Variants in SFXN5 observed in about 807,000 individuals in gnomAD.
SFXN5 encodes sideroflexin 5.
A neutral mutation model predicts 50.2 loss-of-function variants in SFXN5; 43 were observed. The observed-to-expected ratio is 0.86, with a 90% CI of 0.67 to 1.11. The LOEUF is 1.11. SFXN5 is among the 50% of genes least tolerant of loss of function. SFXN5 has a pLI of 0.00. For missense variants in SFXN5, 463 were observed against 454.1 expected, an observed-to-expected ratio of 1.02 and a Z score of -0.18; for synonymous variants, 203 against 185.8, an observed-to-expected ratio of 1.09 and a Z score of -0.75.
chr2:73,027,471 T>C (rs1187176123), intron 3 of SFXN5, among the ~76,000 whole-genome samples: 2 of 152,164 alleles, frequency 1.3e-5, no homozygotes, highest in African/African-American at 4.8e-5. Flanking sequence ...TTAATTTATT[T>C]TGAAGAGAGA....
rs115870731 is a variant in SFXN5, at chr2:72,992,624, C to T, written c.535-4276G>A. Reference sequence around the variant, plus strand: ...CTGGGCAGGAGCCTCCTGGGGCCCACGTGTAACCATGGCTCCCTGGTGCAT... The same window carrying T: ...CTGGGCAGGAGCCTCCTGGGGCCCATGTGTAACCATGGCTCCCTGGTGCAT... On this transcript the variant is annotated intron_variant, in intron 9 of 13. Coordinates refer to ENST00000272433, the MANE Select transcript of SFXN5 (RefSeq NM_144579.3). The surrounding 1 kb of genome is among the most constrained non-coding windows in gnomAD (Gnocchi z 4.5). 8.8e-3 allele frequency among the ~76,000 whole-genome samples: 1,340 copies of T among 152,310 alleles called. 17 individuals are homozygous for T. The highest frequency in any genetic ancestry group is 0.03 in the African/African-American group (1,254 of 41,556).
At chr2:73,016,526 G>A (rs979036088) in intron 6 of SFXN5, among the ~76,000 whole-genome samples, 29 of 152,206 alleles carry the variant, frequency 1.9e-4, no homozygotes, top group Admixed American at 1.6e-3. Flanking sequence ...CCAACATGGC[G>A]AAACCCCATC....
intron 2 of SFXN5, among the ~76,000 whole-genome samples, chr2:73,042,977 A>G (rs66570372): frequency 0.15 from 22,723 of 152,164 alleles, 1,994 homozygotes; most frequent in East Asian, 0.36. Context: ...CTAAGACACG[A>G]GGGTCATTTG....
intron 2 of SFXN5, among the ~76,000 whole-genome samples, chr2:73,054,345 T>C (rs1407882764): frequency 6.6e-6 from 1 of 152,238 alleles, no homozygotes; most frequent in Non-Finnish European, 1.5e-5. Flanking sequence ...CAGTAAATAT[T>C]TAAGTTGCCT....
intron 2 of SFXN5, among the ~76,000 whole-genome samples, chr2:73,044,122 T>G (rs1679997948): frequency 1.3e-5 from 2 of 152,186 alleles, no homozygotes; most frequent in Admixed American, 6.6e-5. Context: ...CTCCAGGGAT[T>G]CTCCTGAGTT....
rs1374004609 is a variant in SFXN5, at chr2:73,045,569, G to T, written c.172-4638C>A. ...GGGGGTGAGGGGATGAACTGGCAGT[G>T]GGGCGTGCAGGATGGCAGGGAGGTT... On this transcript the variant is annotated intron_variant, in intron 2 of 13. Transcript: ENST00000272433. 2.6e-5 allele frequency among the ~76,000 whole-genome samples: 4 copies of T among 152,200 alleles called. No individual in the cohort carries two copies. The South Asian group carries it at 8.3e-4, about 32-fold the overall frequency.
chr2:73,035,931 T>G (rs749454246), intron 3 of SFXN5, among the ~76,000 whole-genome samples: 26 of 152,334 alleles, frequency 1.7e-4, no homozygotes, highest in Middle Eastern at 3.4e-3. Flanking sequence ...GGTGAGGTGT[T>G]GTACCTGGAG....
chr2:73,008,964 C>A (rs2105755617), intron 6 of SFXN5, among the ~76,000 whole-genome samples: 1 of 152,166 alleles, frequency 6.6e-6, no homozygotes, highest in Non-Finnish European at 1.5e-5. Context: ...GACTCCCGGG[C>A]AAAGTGGAAA....
intron 6 of SFXN5, among the ~76,000 whole-genome samples, chr2:73,018,124 C>T (rs1212348340): frequency 2.0e-5 from 3 of 152,032 alleles, no homozygotes; most frequent in Non-Finnish European, 4.4e-5. Context: ...AAGAGGATCA[C>T]TTGAGCCCAG....
intron 2 of SFXN5, among the ~76,000 whole-genome samples, chr2:73,051,519 G>C (rs1681324514): frequency 6.6e-6 from 1 of 152,144 alleles, no homozygotes; most frequent in Non-Finnish European, 1.5e-5. Context: ...GCCTCCCAAA[G>C]TGCTGGGATT....
intron 1 of SFXN5, among the ~76,000 whole-genome samples, chr2:73,065,676 C>A (rs2106065015): frequency 6.6e-6 from 1 of 152,326 alleles, no homozygotes; most frequent in East Asian, 1.9e-4. Context: ...GGATTACAGG[C>A]ATGAGTCACT....
rs1464654692 is a variant in SFXN5 at position 73,059,884 on chromosome 2, T to C, written c.103-1288A>G. ...GTTCAAAGATCTGGTCAGGTGTACA[T>C]ACCAAGGATATTCACTGCTGCATTC... On this transcript the variant is annotated intron_variant, in intron 1 of 13. Coordinates refer to ENST00000272433, the MANE Select transcript of SFXN5 (RefSeq NM_144579.3). The C allele has an allele frequency of 4.1e-5, 36 of 886,610 alleles. 2 individuals carry two copies. Among genetic ancestry groups the C allele is most frequent in the South Asian group, 5.4e-5 (1 of 18,374 alleles). 54.9% of individuals were successfully genotyped at this position (886,610 alleles called of 1,614,324 possible).
chr2:73,059,169 C>T, intron 1 of SFXN5: 4 of 985,258 alleles, frequency 4.1e-6, no homozygotes, highest in Non-Finnish European at 4.8e-6. Context: ...CCCAACCTTG[C>T]CCCAGAGCAG....
chr2:73,036,742 T>C lies in SFXN5; in HGVS notation c.249+4112A>G, dbSNP rs902834250. ...GAGGAAACACATGGTCAGGAGGCCA[T>C]AGAGGCAGGACCCAACTCTCACAGG... On this transcript the variant is annotated intron_variant, in intron 3 of 13. Coordinates refer to ENST00000272433, the MANE Select transcript of SFXN5 (RefSeq NM_144579.3). Among the ~76,000 whole-genome samples the C allele has an allele frequency of 5.9e-5, 9 of 152,244 alleles. No individual in the cohort carries two copies. The South Asian group carries it at 6.2e-4, about 11-fold the overall frequency.
At chr2:73,070,420 CACA>C (rs896914139) in intron 1 of SFXN5, 42 of 152,214 alleles carry the variant, frequency 2.8e-4, no homozygotes, top group African/African-American at 9.9e-4. Context: ...CCCCTTCCAC[CACA>C]ACAACAAAAA....
chr2:72,984,661 T>C (rs1295719325), intron 10 of SFXN5, among the ~76,000 whole-genome samples: 21 of 152,120 alleles, frequency 1.4e-4, no homozygotes, highest in Admixed American at 1.4e-3. Flanking sequence ...GAGAGAGGCT[T>C]GCTAGGGAAT....
At chr2:73,055,234 T>C (rs942541770) in intron 2 of SFXN5, among the ~76,000 whole-genome samples, 1 of 152,216 alleles carries the variant, frequency 6.6e-6, no homozygotes, top group Non-Finnish European at 1.5e-5. Context: ...TGCCGTGTAA[T>C]CTCGGGCAAG....
chr2:73,045,504 G>A (rs900626246), intron 2 of SFXN5, among the ~76,000 whole-genome samples: 1 of 151,916 alleles, frequency 6.6e-6, no homozygotes, highest in Admixed American at 6.6e-5. Context: ...GAGTTTGGGA[G>A]CCCCAGTGGT....
chr2:73,071,520 T>C, intron 1 of SFXN5, 84 bp downstream of exon 1: 1 of 1,344,852 alleles, frequency 7.4e-7, no homozygotes, highest in South Asian at 1.3e-5. Flanking sequence ...TGGGAGACCC[T>C]TGGGCGGAAG....
Sources: gnomAD v4.1 joint callset for allele counts (sites outside exome capture counted in the v4.1 genomes callset) on GRCh38, gnomAD v4.1.1 for gene constraint, Gnocchi (gnomAD v3.1) non-coding constraint, MANE v1.5 for transcripts, NCBI Gene and HGNC (gene_info 2026-07-23, HGNC 2026-07-21) for gene names.